Variants in ZNF554 observed in about 807,000 individuals in gnomAD.
The protein encoded by ZNF554 is zinc finger protein 554.
ZNF554 carries 15 observed loss-of-function variants against 21.2 expected under a neutral mutation model. The observed-to-expected ratio is 0.71, with a 90% CI of 0.47 to 1.09. ZNF554 has a LOEUF of 1.09. Among genes scored for constraint, ZNF554 ranks in the 50% least tolerant of loss-of-function variants. ZNF554 has a pLI of 0.00. For missense variants in ZNF554, 691 were observed against 662.7 expected (o/e 1.04, Z -0.47); for synonymous variants, 258 against 251.4 (o/e 1.03, Z -0.25).
At chr19:2,822,109 G>C (rs184736910) in intron 1 of ZNF554, among the ~76,000 whole-genome samples, 1 of 152,202 alleles carries the variant, frequency 6.6e-6, no homozygotes. Flanking sequence ...GGAGTGCAGT[G>C]GCACAGTCTT....
intron 3 of ZNF554, among the ~76,000 whole-genome samples, chr19:2,828,250 T>G (rs1468059615): frequency 6.6e-6 from 1 of 152,182 alleles, no homozygotes; most frequent in Non-Finnish European, 1.5e-5. Context: ...GTGGTCTGGT[T>G]TCTCTGAGAA....
At chr19:2,824,524 C>A (rs1295061000) in intron 2 of ZNF554, among the ~76,000 whole-genome samples, 1 of 152,238 alleles carries the variant, frequency 6.6e-6, no homozygotes, top group African/African-American at 2.4e-5. Context: ...GGAAGGCATC[C>A]TCCTCTTTAC....
intron 2 of ZNF554, among the ~76,000 whole-genome samples, chr19:2,827,155 C>G (rs2087346171): frequency 6.6e-6 from 1 of 152,190 alleles, no homozygotes; most frequent in South Asian, 2.1e-4. Context: ...CTAGTTAGTC[C>G]TCACGACAAC....
At chr19:2,830,736 C>CA (rs1384196416) in intron 3 of ZNF554, 1 of 151,166 alleles carries the variant, frequency 6.6e-6, no homozygotes, top group East Asian at 1.9e-4. Context: ...GCTGGAATTA[C>CA]AAGTGTGCAC....
intron 3 of ZNF554, 82 bp downstream of exon 3, chr19:2,827,825 G>C (rs1416882357): frequency 6.5e-6 from 10 of 1,544,272 alleles, no homozygotes; most frequent in Non-Finnish European, 8.0e-6. Flanking sequence ...TGCTAATAAA[G>C]AAATACCCAA....
At position 2,833,699 on chromosome 19, in the gene ZNF554, GA is replaced by G. The variant is rs2087450515; in HGVS notation, c.467del (p.Asn156ThrfsTer19). ...ATTTCAGATTGGATGACTGTACTAA[GA>G]AACCAAGACTCAACTTACAAGAAGG... ...ASCSDWMTVL[R>X]NQDSTYKKVA... On this transcript the variant is annotated frameshift_variant, in exon 5 of 5. Transcript: ENST00000317243. LOFTEE classifies it low-confidence loss of function (END_TRUNC). 6.6e-7 allele frequency: 1 copy of G among 1,526,616 alleles called. No homozygotes were observed. The allele number at this position is 1,526,616 out of a possible 1,614,324, so 94.6% of individuals were successfully genotyped here.
intron 2 of ZNF554, among the ~76,000 whole-genome samples, chr19:2,825,582 G>A (rs1316491135): frequency 6.6e-6 from 1 of 152,222 alleles, no homozygotes; most frequent in East Asian, 1.9e-4. Context: ...ACATCCTGGA[G>A]TGGGATTTTT....
intron 2 of ZNF554, among the ~76,000 whole-genome samples, chr19:2,823,559 G>T (rs2144804342): frequency 6.6e-6 from 1 of 152,240 alleles, no homozygotes; most frequent in South Asian, 2.1e-4. Flanking sequence ...GCCTAGGAGA[G>T]GGTGGCTCCT....
Position 2,820,143 on chromosome 19 carries a change from C to A in ZNF554, c.53+19C>A. 2 of 1,218,996 alleles carry A rather than the reference C, an allele frequency of 1.6e-6. No homozygotes were observed. Among genetic ancestry groups the A allele is most frequent in the Middle Eastern group, 3.2e-4 (1 of 3,120 alleles). The allele number at this position is 1,218,996 out of a possible 1,614,324, so 75.5% of individuals were successfully genotyped here. On this transcript the variant is annotated intron_variant, in intron 1 of 4. Transcript: ENST00000317243. ...CTCAGCCGTAAGTGCCGCCGCCTCC[C>A]GCGCCGCGACCTCCGTGCCGGGCCT...
At position 2,835,557 on chromosome 19, in the gene ZNF554, C is replaced by T. The variant is rs2087488859; in HGVS notation, c.*705C>T. The T allele has an allele frequency of 6.6e-6, 1 of 152,028 alleles. No homozygotes were observed. The highest frequency in any genetic ancestry group is 1.5e-5 in the Non-Finnish European group (1 of 68,080). 9.4% of individuals were successfully genotyped at this position (152,028 alleles called of 1,614,324 possible). A position where few individuals can be genotyped will look rare whatever the true frequency, so the allele number is the denominator to read the frequency against. ...CTCCTGGGGTCAAGCATCCTCCTGT[C>T]TTGGCCTCCCAAAGTGTTGGGATTA... On this transcript the variant is annotated 3_prime_UTR_variant, in exon 5 of 5. Transcript: ENST00000317243.
At chr19:2,822,897 C>T (rs1488618971) in intron 1 of ZNF554, 143 bp from the exon 2 acceptor site, 1 of 693,918 alleles carries the variant, frequency 1.4e-6, no homozygotes, top group African/African-American at 1.8e-5. Context: ...ACCCTGGCTT[C>T]AGTCCTGGGT....
In ZNF554 at chr19:2,836,025, T is replaced by C. The variant is rs1446466792; in HGVS notation, c.*1173T>C. The stretch of plus-strand genomic sequence containing the variant: ...TTTTTTTTTTGTATTTTTGTAGTGA[T>C]GGGCTTTCACCAGGTTGCCCAGGCT... On this transcript the variant is annotated 3_prime_UTR_variant, in exon 5 of 5. Transcript: ENST00000317243. Among the ~76,000 whole-genome samples the C allele has an allele frequency of 6.6e-6, 1 of 152,110 alleles. No individual in the cohort carries two copies. The highest frequency in any genetic ancestry group is 1.5e-5 in the Non-Finnish European group (1 of 68,026).
chr19:2,832,349 A>G lies in ZNF554; in HGVS notation c.300A>G (p.Pro100=), dbSNP rs757319268. 6.2e-7 allele frequency: 1 copy of G among 1,613,128 alleles called. No homozygotes were observed. Among genetic ancestry groups the G allele is most frequent in the Non-Finnish European group, 8.5e-7 (1 of 1,179,656 alleles). Residue 100 remains proline (P), a synonymous_variant, in exon 4 of 5, where the codon CCA becomes CCG. Coordinates refer to ENST00000317243, the MANE Select transcript of ZNF554 (RefSeq NM_001102651.2). ...QCTDVGIKEG[P]LSPAQTSQVT... ...CTGATGTGGGGATTAAAGAGGGTCCACTTTCCCCAGCACAAACCTCACAAG... is the reference window on the plus strand; with the variant it reads ...CTGATGTGGGGATTAAAGAGGGTCCGCTTTCCCCAGCACAAACCTCACAAG...
chr19:2,827,873 C>A, intron 3 of ZNF554, 130 bp downstream of exon 3: 2 of 1,151,322 alleles, frequency 1.7e-6, no homozygotes, highest in Non-Finnish European at 1.2e-6. Context: ...GTTTAATGGA[C>A]TCAGTTCCAC....
In ZNF554 at chr19:2,821,364, C is replaced by T. The variant is rs377714208; in HGVS notation, c.53+1240C>T. 4.6e-5 allele frequency among the ~76,000 whole-genome samples: 7 copies of T among 152,068 alleles called. No homozygotes were observed. Among genetic ancestry groups the T allele is most frequent in the South Asian group, 4.1e-4 (2 of 4,824 alleles). On this transcript the variant is annotated intron_variant, in intron 1 of 4. Transcript: ENST00000317243. This position sits in a 1 kb window ranked among gnomAD's most constrained non-coding sequence, Gnocchi z 8.2. ...CCTCGGCCTCCCAAAGTGACCACTGCGCCCGGCGCCTTTGGTTCTTACATG... is the reference window on the plus strand; with the variant it reads ...CCTCGGCCTCCCAAAGTGACCACTGTGCCCGGCGCCTTTGGTTCTTACATG...
rs879073339 is a variant in ZNF554 at position 2,832,648 on chromosome 19, C to G, written c.445+154C>G. 2.0e-5 allele frequency among the ~76,000 whole-genome samples: 3 copies of G among 152,326 alleles called. No homozygotes were observed. The South Asian group carries it at 6.2e-4, about 32-fold the overall frequency. On this transcript the variant is annotated intron_variant, in intron 4 of 4. Coordinates refer to ENST00000317243, the MANE Select transcript of ZNF554 (RefSeq NM_001102651.2). ...TTCATTTTCTGGCAGCTTTCTCCTTCTCTTTACTACCTTACATGACCTCTC... is the reference window on the plus strand; with the variant it reads ...TTCATTTTCTGGCAGCTTTCTCCTTGTCTTTACTACCTTACATGACCTCTC...
rs1277993482 is a variant in ZNF554, at chr19:2,836,167, G to A, written c.*1315G>A. On this transcript the variant is annotated 3_prime_UTR_variant, in exon 5 of 5. Transcript: ENST00000317243. ...GTGTGAGCCACTGTGCTGGGATTAC[G>A]GGCGTGAGCTGCCCATGCTGGGATT... Among the ~76,000 whole-genome samples, 4 of 129,416 alleles carry A rather than the reference G, an allele frequency of 3.1e-5. No individual in the cohort carries two copies. The highest frequency in any genetic ancestry group is 1.0e-4 in the African/African-American group (4 of 38,456). 84.9% of individuals were successfully genotyped at this position (129,416 alleles called of 152,430 possible). A position where few individuals can be genotyped will look rare whatever the true frequency, so the allele number is the denominator to read the frequency against.
At position 2,822,800 on chromosome 19, in the gene ZNF554, T is replaced by C. The variant is rs2087280545; in HGVS notation, c.54-240T>C. 2.0e-5 allele frequency among the ~76,000 whole-genome samples: 3 copies of C among 152,092 alleles called. 1 individual carries two copies. The highest frequency in any genetic ancestry group is 4.1e-4 in the South Asian group (2 of 4,824). On this transcript the variant is annotated intron_variant, in intron 1 of 4. Coordinates refer to ENST00000317243, the MANE Select transcript of ZNF554 (RefSeq NM_001102651.2). ...AGGAGGATAGCTTGAGCCCAGGAGG[T>C]TGAAGCTGCCATGAGATGAGCTATG...
intron 2 of ZNF554, 83 bp downstream of exon 2, chr19:2,823,195 A>ACT: frequency 7.2e-6 from 10 of 1,384,446 alleles, no homozygotes; most frequent in Non-Finnish European, 1.0e-5. Flanking sequence ...TCGATAGAGG[A>ACT]GACCCCTTGC....
Sources: gnomAD v4.1 joint callset for allele counts (sites outside exome capture counted in the v4.1 genomes callset) on GRCh38, gnomAD v4.1.1 for gene constraint, Gnocchi (gnomAD v3.1) non-coding constraint, MANE v1.5 for transcripts, NCBI Gene and HGNC (gene_info 2026-07-23, HGNC 2026-07-21) for gene names.